Variants in CSRNP3 observed in about 807,000 individuals in gnomAD.
CSRNP3 encodes the protein cysteine/serine-rich nuclear protein 3.
Under a neutral mutation model 48.0 loss-of-function variants are expected in CSRNP3, and 12 were observed. That is an observed-to-expected ratio of 0.25 (90% confidence interval 0.16 to 0.41). The LOEUF (loss-of-function observed/expected upper bound fraction) is 0.41. Ranked by LOEUF, CSRNP3 falls within the 10% of genes least tolerant of loss-of-function variation. The pLI, the probability that CSRNP3 is intolerant of heterozygous loss-of-function variation, is 1.00. For synonymous variants in CSRNP3, 263 were observed against 269.7 expected, an observed-to-expected ratio of 0.98 and a Z score of 0.24; for missense variants, 580 against 724.4, an observed-to-expected ratio of 0.80 and a Z score of 2.29.
intron 3 of CSRNP3, among the ~76,000 whole-genome samples, chr2:165,521,033 G>C (rs921127568): frequency 6.6e-6 from 1 of 151,190 alleles, no homozygotes; most frequent in Non-Finnish European, 1.5e-5. Flanking sequence ...CTTGCTTGTA[G>C]CTCAGGCTAG....
rs3731765 is a variant in CSRNP3, at chr2:165,679,078, G to A, written c.1083G>A (p.Thr361=). The stretch of plus-strand genomic sequence containing the variant: ...GCAGCGGAGTCACAGATTCTAGCAC[G>A]CAAAGCTTGGCACCTAGTGAGTCAG... The part of the protein sequence containing the change: ...SFCSGVTDSS[T]QSLAPSESDE... Residue 361 remains threonine, a synonymous_variant, in exon 7 of 7, where the codon ACG becomes ACA. Transcript: ENST00000651982. 1.6e-3 allele frequency: 2,603 copies of A among 1,613,754 alleles called. 25 individuals carry two copies. In the East Asian group the frequency reaches 0.029, roughly 18 times the overall value.
rs560449605 is a variant in CSRNP3, at chr2:165,492,373, C to T, written c.-282-2386C>T. ...ATAGCCAAAGTCCTTGAAGGCTCTA[C>T]ACAGTCTAGCCCTGAAGACTTGTCT... On this transcript the variant is annotated intron_variant, in intron 1 of 6. Transcript: ENST00000651982. 6.6e-5 allele frequency among the ~76,000 whole-genome samples: 10 copies of T among 152,244 alleles called. No individual in the cohort carries two copies. The South Asian group carries it at 1.0e-3, about 16-fold the overall frequency.
Position 165,676,580 on chromosome 2 carries a change from C to G in CSRNP3, c.677C>G (p.Thr226Ser), listed in dbSNP as rs184029617. Residue 226 changes from threonine to serine, a missense_variant, in exon 6 of 7, where the codon ACC becomes AGC. Physicochemically the swap from Thr to Ser is moderately conservative, Grantham distance 58. This residue lies in a region of CSRNP3 where 66 missense variants were observed against 137.6 expected (regional missense o/e 0.48). Transcript: ENST00000651982. ...CRVFCDPDTC[T>S]CSLAGIKCQV... ...GTGTTCTGTGATCCAGACACGTGCACCTGCAGCCTGGCTGGCATTAAGTGC... is the reference window on the plus strand; with the variant it reads ...GTGTTCTGTGATCCAGACACGTGCAGCTGCAGCCTGGCTGGCATTAAGTGC... The G allele has an allele frequency of 6.2e-7, 1 of 1,613,154 alleles. No homozygotes were observed. Among genetic ancestry groups the G allele is most frequent in the African/African-American group, 1.3e-5 (1 of 75,032 alleles).
At chr2:165,506,705 T>G (rs532166709) in intron 2 of CSRNP3, among the ~76,000 whole-genome samples, 2 of 152,284 alleles carry the variant, frequency 1.3e-5, no homozygotes, top group East Asian at 3.9e-4. Flanking sequence ...CCATTGTAAC[T>G]ACTTCCTTGT....
intron 3 of CSRNP3, among the ~76,000 whole-genome samples, chr2:165,520,954 GC>G (rs1207934217): frequency 6.6e-6 from 1 of 150,608 alleles, no homozygotes; most frequent in Admixed American, 6.6e-5. Flanking sequence ...CTCCCAAGTA[GC>G]TGAGACTATA....
intron 3 of CSRNP3, among the ~76,000 whole-genome samples, chr2:165,557,907 A>C (rs1574836640): frequency 6.6e-6 from 1 of 152,206 alleles, no homozygotes; most frequent in South Asian, 2.1e-4. Context: ...AATGGAATCC[A>C]GTTTCTTATT....
Position 165,665,815 on chromosome 2 carries a change from G to C in CSRNP3, c.408+7795G>C, listed in dbSNP as rs192607621. On this transcript the variant is annotated intron_variant, in intron 5 of 6. Coordinates refer to ENST00000651982, the MANE Select transcript of CSRNP3 (RefSeq NM_001172173.2). ...AGAGAGAGAGAGAAAGAGAGAAAGA[G>C]AAAGGAAGGAAGGAAGAAAGGAAGC... 3.8e-4 allele frequency among the ~76,000 whole-genome samples: 56 copies of C among 147,542 alleles called. 1 individual carries two copies. The East Asian group carries it at 9.1e-3, about 24-fold the overall frequency.
At chr2:165,645,600 T>C (rs1347325043) in intron 4 of CSRNP3, among the ~76,000 whole-genome samples, 1 of 152,174 alleles carries the variant, frequency 6.6e-6, no homozygotes, top group East Asian at 1.9e-4. Flanking sequence ...AATTTTCCCT[T>C]TGTTTTTGAT....
chr2:165,526,267 G>A (rs1684730783), intron 3 of CSRNP3, among the ~76,000 whole-genome samples: 1 of 152,112 alleles, frequency 6.6e-6, no homozygotes, highest in South Asian at 2.1e-4. Context: ...AAAAAAGCCT[G>A]CTGAGATTTT....
In CSRNP3 at chr2:165,686,309, T is replaced by G. The variant is rs1312796265; in HGVS notation, c.*6556T>G. 1 of 152,046 alleles carries G rather than the reference T, an allele frequency of 6.6e-6. No individual in the cohort carries two copies. The highest frequency in any genetic ancestry group is 1.5e-5 in the Non-Finnish European group (1 of 67,972). 9.4% of individuals were successfully genotyped at this position (152,046 alleles called of 1,614,324 possible). A position where few individuals can be genotyped will look rare whatever the true frequency, so the allele number is the denominator to read the frequency against. ...GGACATGGCTTCCTAATAATGGTTT[T>G]GCTGTTGTCTCTACATAGGGGACCT... On this transcript the variant is annotated 3_prime_UTR_variant, in exon 7 of 7. Transcript: ENST00000651982.
At chr2:165,665,966 G>A (rs1409900912) in intron 5 of CSRNP3, among the ~76,000 whole-genome samples, 3 of 108,298 alleles carry the variant, frequency 2.8e-5, no homozygotes, top group Admixed American at 1.0e-4. Flanking sequence ...GAAGGAAAGA[G>A]AGAGGGGAAG....
chr2:165,631,103 C>T (rs1211195180), intron 4 of CSRNP3, among the ~76,000 whole-genome samples: 1 of 152,144 alleles, frequency 6.6e-6, no homozygotes, highest in Non-Finnish European at 1.5e-5. Context: ...AGATAACTTC[C>T]GAGGAGGTAT....
At position 165,680,193 on chromosome 2, in the gene CSRNP3, A is replaced by C. The variant is rs1232326848; in HGVS notation, c.*440A>C. Reference sequence around the variant, plus strand: ...ATGTAAAAGTAATTATTGTAAGAAAAAGATTTAATTGTTCCATGTGTATTT... The same window carrying C: ...ATGTAAAAGTAATTATTGTAAGAAACAGATTTAATTGTTCCATGTGTATTT... On this transcript the variant is annotated 3_prime_UTR_variant, in exon 7 of 7. Transcript: ENST00000651982. 1 of 156,354 alleles carries C rather than the reference A, an allele frequency of 6.4e-6. No individual in the cohort carries two copies. The highest frequency in any genetic ancestry group is 1.4e-5 in the Non-Finnish European group (1 of 70,654). The allele number at this position is 156,354 out of a possible 1,614,324, so 9.7% of individuals were successfully genotyped here.
chr2:165,622,116 C>T (rs1490217877), intron 4 of CSRNP3, among the ~76,000 whole-genome samples: 2 of 152,076 alleles, frequency 1.3e-5, no homozygotes, highest in Non-Finnish European at 2.9e-5. Context: ...TCTGAGATTA[C>T]CATGACATTT....
chr2:165,480,795 TATATA>T (rs1684030668), intron 1 of CSRNP3, among the ~76,000 whole-genome samples: 2 of 146,176 alleles, frequency 1.4e-5, no homozygotes, highest in Admixed American at 1.4e-4. Context: ...ATATATAATA[TATATA>T]ATATAAAAAT....
intron 5 of CSRNP3, among the ~76,000 whole-genome samples, chr2:165,668,011 T>C (rs1263166430): frequency 2.6e-5 from 4 of 152,218 alleles, no homozygotes; most frequent in Non-Finnish European, 5.9e-5. Context: ...ATGGGACTGG[T>C]AATTATCAAG....
chr2:165,499,877 C>T (rs1684332931), intron 2 of CSRNP3, among the ~76,000 whole-genome samples: 1 of 150,910 alleles, frequency 6.6e-6, no homozygotes, highest in African/African-American at 2.4e-5. Context: ...GTTGCATTTG[C>T]CTTCATCTCA....
chr2:165,674,633 T>C (rs1687388427), intron 5 of CSRNP3, among the ~76,000 whole-genome samples: 1 of 145,896 alleles, frequency 6.9e-6, no homozygotes, highest in Admixed American at 6.9e-5. Flanking sequence ...AAATAAAATA[T>C]ATATATTTAT....
At chr2:165,497,881 A>G (rs1684304183) in intron 2 of CSRNP3, among the ~76,000 whole-genome samples, 1 of 152,122 alleles carries the variant, frequency 6.6e-6, no homozygotes, top group Non-Finnish European at 1.5e-5. Flanking sequence ...CAAGTCAAAG[A>G]TATGGCTGTA....
Sources: allele counts gnomAD v4.1 joint callset (sites outside exome capture counted in the v4.1 genomes callset), GRCh38; gene constraint gnomAD v4.1.1; regional missense constraint gnomAD v4.1.1; transcripts MANE v1.5; gene names NCBI Gene and HGNC (gene_info 2026-07-23, HGNC 2026-07-21).